The following ARHGEF2 variants were observed in gnomAD, a reference collection of about 807,000 sequenced individuals.
ARHGEF2 encodes Rho/Rac guanine nucleotide exchange factor 2, also known as rho guanine nucleotide exchange factor 2.
Under a neutral mutation model 121.0 loss-of-function variants are expected in ARHGEF2, and 22 were observed. That is an observed-to-expected ratio of 0.18 (90% CI 0.13 to 0.26). The LOEUF (loss-of-function observed/expected upper bound fraction) is 0.26. Ranked by LOEUF, ARHGEF2 falls within the 10% of genes least tolerant of loss-of-function variation. The pLI is 1.00. For synonymous variants in ARHGEF2, 487 were observed against 530.0 expected (o/e 0.92, Z 1.11); for missense variants, 907 against 1,336.0 (o/e 0.68, Z 5.01).
Position 155,978,103 on chromosome 1 carries a change from G to A in ARHGEF2, c.63+262C>T. 1 of 1,225,524 alleles carries A rather than the reference G, an allele frequency of 8.2e-7. No homozygotes were observed. Among genetic ancestry groups the A allele is most frequent in the African/African-American group, 1.6e-5 (1 of 63,976 alleles). 75.9% of individuals were successfully genotyped at this position (1,225,524 alleles called of 1,614,324 possible). A position where few individuals can be genotyped will look rare whatever the true frequency, so the allele number is the denominator to read the frequency against. ...TCTTTCAAGCGGCCTAAAGCACTCG[G>A]TCCCGCCGGCTTGGAGGCGACCAAG... is the stretch of plus-strand genomic sequence containing the variant. On this transcript the variant is annotated intron_variant, in intron 1 of 21. Coordinates refer to ENST00000361247, the MANE Select transcript of ARHGEF2 (RefSeq NM_001162383.2). The surrounding 1 kb of genome is among the most constrained non-coding windows in gnomAD (Gnocchi z 4.1).
upstream of ARHGEF2, chr1:155,978,676 G>A: frequency 9.6e-7 from 1 of 1,037,732 alleles, no homozygotes; most frequent in African/African-American, 1.6e-5. This position sits in a 1 kb window ranked among gnomAD's most constrained non-coding sequence, Gnocchi z 4.1. Flanking sequence ...CAGGGTTTGT[G>A]TGGGGGCAGC....
chr1:155,973,807 G>A (rs1439181553), intron 1 of ARHGEF2, among the ~76,000 whole-genome samples: 1 of 152,024 alleles, frequency 6.6e-6, no homozygotes, highest in Non-Finnish European at 1.5e-5. Context: ...GGGCATTGTG[G>A]ATCTCTACTG....
In ARHGEF2 at chr1:155,978,534, AG is replaced by A; in HGVS notation, c.-108del. 7.8e-7 allele frequency: 1 copy of A among 1,280,338 alleles called. No homozygotes were observed. Among genetic ancestry groups the A allele is most frequent in the East Asian group, 3.1e-5 (1 of 32,090 alleles). 79.3% of individuals were successfully genotyped at this position (1,280,338 alleles called of 1,614,324 possible). ...GCCCGCACGCGTTGGTCTCGGGGAC[AG>A]GAAGTCTGACTCCCCTCGCCCGGCA... On this transcript the variant is annotated 5_prime_UTR_variant, in exon 1 of 22. Transcript: ENST00000361247. This position sits in a 1 kb window ranked among gnomAD's most constrained non-coding sequence, Gnocchi z 4.1.
chr1:155,964,820 G>T (rs1019141101), intron 7 of ARHGEF2, among the ~76,000 whole-genome samples, 168 bp downstream of exon 7: 1 of 151,186 alleles, frequency 6.6e-6, no homozygotes, highest in Non-Finnish European at 1.5e-5. Context: ...TTGAACCTGG[G>T]AGGTGGAGGC....
At chr1:155,969,662 T>C in intron 1 of ARHGEF2, 2 of 1,058,258 alleles carry the variant, frequency 1.9e-6, no homozygotes, top group Non-Finnish European at 2.3e-6. Flanking sequence ...TTCTCTGTGC[T>C]AGGGGGAAGA....
At chr1:155,974,086 A>C (rs1680921398) in intron 1 of ARHGEF2, among the ~76,000 whole-genome samples, 1 of 151,820 alleles carries the variant, frequency 6.6e-6, no homozygotes, top group African/African-American at 2.4e-5. Flanking sequence ...AGGTCTCACT[A>C]TGTTGCCCAG....
chr1:155,973,045 G>A (rs1446433211), intron 1 of ARHGEF2, among the ~76,000 whole-genome samples: 1 of 151,670 alleles, frequency 6.6e-6, no homozygotes, highest in African/African-American at 2.4e-5. Context: ...CCCATGGGAA[G>A]TTCTTCTTGC....
At position 155,957,264 on chromosome 1, in the gene ARHGEF2, C is replaced by G. The variant is rs1676879335; in HGVS notation, c.1715+449G>C. On this transcript the variant is annotated intron_variant, in intron 13 of 21. Coordinates refer to ENST00000361247, the MANE Select transcript of ARHGEF2 (RefSeq NM_001162383.2). ...TGACACACTGATTTCCTTCTTGCTTCTATTGTGTTGAGTCTGTTTATGAGA... is the reference window on the plus strand; with the variant it reads ...TGACACACTGATTTCCTTCTTGCTTGTATTGTGTTGAGTCTGTTTATGAGA... Among the ~76,000 whole-genome samples, 3 of 152,214 alleles carry G rather than the reference C, an allele frequency of 2.0e-5. No homozygotes were observed. The South Asian group carries it at 6.2e-4, about 31-fold the overall frequency.
intron 1 of ARHGEF2, among the ~76,000 whole-genome samples, chr1:155,975,510 C>T (rs577944386): frequency 7.9e-5 from 12 of 152,064 alleles, no homozygotes; most frequent in Non-Finnish European, 1.3e-4. Context: ...CTAACCTCCA[C>T]GACCCCTAGA....
intron 1 of ARHGEF2, chr1:155,970,662 C>G: frequency 3.0e-6 from 3 of 985,480 alleles, no homozygotes; most frequent in Non-Finnish European, 3.6e-6. Flanking sequence ...GCCGAGGCCA[C>G]GAGGCCACGC....
intron 13 of ARHGEF2, 144 bp downstream of exon 13, chr1:155,957,569 G>T (rs1432034254): frequency 2.2e-6 from 2 of 924,532 alleles, no homozygotes; most frequent in Non-Finnish European, 3.1e-6. Context: ...GACCTTTCCA[G>T]TCTTGGGCCA....
intron 21 of ARHGEF2, among the ~76,000 whole-genome samples, chr1:155,949,247 CA>C (rs1406204811): frequency 6.7e-6 from 1 of 149,916 alleles, no homozygotes; most frequent in Non-Finnish European, 1.5e-5. Flanking sequence ...AGTGAGACTC[CA>C]TCTTAAATAA....
intron 14 of ARHGEF2, among the ~76,000 whole-genome samples, chr1:155,954,280 T>TAC (rs1472053831): frequency 8.8e-6 from 1 of 114,004 alleles, no homozygotes; most frequent in Non-Finnish European, 2.1e-5. Flanking sequence ...GCCAATCTAC[T>TAC]TCTTTTTTTT....
chr1:155,966,699 T>C, intron 3 of ARHGEF2, 121 bp downstream of exon 3: 1 of 1,215,882 alleles, frequency 8.2e-7, no homozygotes, highest in East Asian at 2.3e-5. Flanking sequence ...GGGTCTGGGC[T>C]GCCCCTTGGT....
chr1:155,951,686 C>T lies in ARHGEF2; in HGVS notation c.2208+55G>A. 1 of 1,613,256 alleles carries T rather than the reference C, an allele frequency of 6.2e-7. No individual in the cohort carries two copies. Among genetic ancestry groups the T allele is most frequent in the Non-Finnish European group, 8.5e-7 (1 of 1,179,264 alleles). ...CCCACTCCAAACTGGGCTCTAACTA[C>T]TCAGACTAAGAACATCCTCCCTTCA... On this transcript the variant is annotated intron_variant, in intron 18 of 21. Coordinates refer to ENST00000361247, the MANE Select transcript of ARHGEF2 (RefSeq NM_001162383.2). This position sits in a 1 kb window ranked among gnomAD's most constrained non-coding sequence, Gnocchi z 5.1.
chr1:155,952,135 C>G lies in ARHGEF2; in HGVS notation c.2085G>C (p.Thr695=). The change falls in exon 16 of 22, where the codon ACG becomes ACC. Residue 695 remains threonine, a synonymous_variant. Transcript: ENST00000361247. ...LPLEPDSGGN[T]SPGVTANGEA... ...ACTCACTGGCAGTGACCCCAGGACT[C>G]GTGTTACCACCGCTGTCTGGTTCCA... The G allele has an allele frequency of 6.2e-7, 1 of 1,614,166 alleles. No individual in the cohort carries two copies.
At chr1:155,957,354 T>C (rs1437139877) in intron 13 of ARHGEF2, among the ~76,000 whole-genome samples, 1 of 152,232 alleles carries the variant, frequency 6.6e-6, no homozygotes, top group African/African-American at 2.4e-5. Flanking sequence ...GAAAAATAAA[T>C]GTAAAATACA....
At chr1:155,970,846 G>C in intron 1 of ARHGEF2, 1 of 986,332 alleles carries the variant, frequency 1.0e-6, no homozygotes. Context: ...CTCTTCCCAA[G>C]CTCCAGGTTT....
rs1421018293 is a variant in ARHGEF2 at position 155,978,458 on chromosome 1, C to T, written c.-31G>A. ...GACGGGGGGACCAGGGAGGACGCGG[C>T]GCGGACCCCGGCGTCCTGTATTGTT... On this transcript the variant is annotated 5_prime_UTR_variant, in exon 1 of 22. Transcript: ENST00000361247. This position sits in a 1 kb window ranked among gnomAD's most constrained non-coding sequence, Gnocchi z 4.1. 2.8e-6 allele frequency: 4 copies of T among 1,447,588 alleles called. No individual in the cohort carries two copies. Among genetic ancestry groups the T allele is most frequent in the Non-Finnish European group, 3.7e-6 (4 of 1,082,924 alleles). The allele number at this position is 1,447,588 out of a possible 1,614,324, so 89.7% of individuals were successfully genotyped here.
Sources: gnomAD v4.1 joint callset for allele counts (sites outside exome capture counted in the v4.1 genomes callset) on GRCh38, gnomAD v4.1.1 for gene constraint, Gnocchi (gnomAD v3.1) non-coding constraint, MANE v1.5 for transcripts, NCBI Gene and HGNC (gene_info 2026-07-23, HGNC 2026-07-21) for gene names.